The following PIK3C2G variants were observed in gnomAD, a reference collection of about 807,000 sequenced individuals.
PIK3C2G encodes phosphatidylinositol 3-kinase C2 domain-containing subunit gamma.
A neutral mutation model predicts 181.1 loss-of-function variants in PIK3C2G; 168 were observed. The ratio of observed to expected loss-of-function variants is 0.93; its 90% CI spans 0.82 to 1.05. The LOEUF (loss-of-function observed/expected upper bound fraction) is 1.05. Among genes scored for constraint, PIK3C2G ranks in the 50% least tolerant of loss-of-function variants. The probability of loss-of-function intolerance (pLI) is 0.00; values close to 1 mark genes in which losing one functional copy is unlikely to be tolerated. For synonymous variants in PIK3C2G, 573 were observed against 592.2 expected, an observed-to-expected ratio of 0.97 and a Z score of 0.47; for missense variants, 1,869 against 1,732.8, an observed-to-expected ratio of 1.08 and a Z score of -1.40.
At chr12:18,697,544 G>C in the PIK3C2G span, among the ~76,000 whole-genome samples, 45,848 of 151,818 alleles carry the variant, frequency 0.3, 7,733 homozygotes, top group East Asian at 0.48. Context: ...TTAACCTTTA[G>C]AAAATAAACA....
At chr12:18,402,509 G>C (rs2138146083) in intron 16 of PIK3C2G, among the ~76,000 whole-genome samples, 1 of 152,004 alleles carries the variant, frequency 6.6e-6, no homozygotes, top group South Asian at 2.1e-4. Context: ...TGGATTGTAT[G>C]GTATTTCAAT....
chr12:18,559,819 TATAGAGAGAGAGAGAGAGAG>T (rs1945243889), intron 26 of PIK3C2G, among the ~76,000 whole-genome samples: 1 of 19,930 alleles, frequency 5.0e-5, no homozygotes, highest in Non-Finnish European at 9.3e-5. Context: ...TATATATATA[TATAGAGAGAGAGAGAGAGAG>T]AGAGAGAGAG....
At chr12:18,364,056 T>C (rs887590785) in intron 12 of PIK3C2G, among the ~76,000 whole-genome samples, 3 of 152,194 alleles carry the variant, frequency 2.0e-5, no homozygotes, top group Non-Finnish European at 4.4e-5. Context: ...AAAGTACAAA[T>C]CATTTAGCAA....
chr12:18,549,125 A>G (rs1446725909), intron 26 of PIK3C2G, among the ~76,000 whole-genome samples: 1 of 151,980 alleles, frequency 6.6e-6, no homozygotes, highest in Non-Finnish European at 1.5e-5. Context: ...ACCTTATCTG[A>G]TCATTCCAGT....
intron 13 of PIK3C2G, among the ~76,000 whole-genome samples, chr12:18,377,309 T>G (rs1942518837): frequency 6.6e-6 from 1 of 152,228 alleles, no homozygotes; most frequent in East Asian, 1.9e-4. Flanking sequence ...TTGGCTTTTC[T>G]AGTCAATGAA....
the PIK3C2G span, chr12:18,692,683 G>A: frequency 2.8e-6 from 2 of 702,596 alleles, no homozygotes; most frequent in Non-Finnish European, 4.8e-6. Flanking sequence ...ATTGAAATCA[G>A]TAAAGAACAA....
At chr12:18,254,660 T>C (rs754084303) in intron 1 of PIK3C2G, among the ~76,000 whole-genome samples, 91 of 151,464 alleles carry the variant, frequency 6.0e-4, no homozygotes, top group Non-Finnish European at 1.2e-3. Context: ...TTGGCAAACA[T>C]GGTGAAACCC....
chr12:18,636,570 C>T (rs1162478743), intron 31 of PIK3C2G, among the ~76,000 whole-genome samples: 1 of 152,050 alleles, frequency 6.6e-6, no homozygotes, highest in Non-Finnish European at 1.5e-5. Context: ...TAGCATTTGC[C>T]AGGTCAATAG....
At chr12:18,681,893 C>A in the PIK3C2G span, among the ~76,000 whole-genome samples, 1 of 151,940 alleles carries the variant, frequency 6.6e-6, no homozygotes, top group African/African-American at 2.4e-5. Flanking sequence ...TGATTAAAGC[C>A]TTTAAATTTC....
At chr12:18,692,770 A>G in the PIK3C2G span, 1 of 1,345,774 alleles carries the variant, frequency 7.4e-7, no homozygotes, top group Non-Finnish European at 1.1e-6. Context: ...AAGATGGGTC[A>G]AAGTCAGAGT....
At chr12:18,247,422 A>T (rs947806098), upstream of PIK3C2G, among the ~76,000 whole-genome samples, 1 of 152,164 alleles carries the variant, frequency 6.6e-6, no homozygotes, top group Non-Finnish European at 1.5e-5. Context: ...CCAAGAGTTT[A>T]GGAGTGGAGG....
the PIK3C2G span, among the ~76,000 whole-genome samples, chr12:18,672,829 G>A: frequency 3.3e-5 from 5 of 152,128 alleles, no homozygotes; most frequent in Admixed American, 2.0e-4. Context: ...GAAATGCTTC[G>A]ATGTAGTCCA....
intron 1 of PIK3C2G, among the ~76,000 whole-genome samples, chr12:18,273,245 C>T (rs963929091): frequency 6.6e-6 from 1 of 152,118 alleles, no homozygotes; most frequent in African/African-American, 2.4e-5. Context: ...TTCCCCATTG[C>T]TTGTTTTTGT....
chr12:18,320,913 ACT>A (rs759203911), intron 6 of PIK3C2G, 47 bp from the exon 7 acceptor site: 1 of 987,750 alleles, frequency 1.0e-6, no homozygotes, highest in Admixed American at 2.2e-5. Flanking sequence ...TTTATCTGGT[ACT>A]CATTCCTATT....
intron 18 of PIK3C2G, among the ~76,000 whole-genome samples, chr12:18,457,918 T>G (rs942163654): frequency 2.6e-5 from 4 of 151,890 alleles, no homozygotes; most frequent in Admixed American, 2.6e-4. Flanking sequence ...GTGACAATAG[T>G]TTTTTTTAAG....
chr12:18,693,421 G>A, the PIK3C2G span: 4 of 1,604,310 alleles, frequency 2.5e-6, no homozygotes, highest in African/African-American at 5.3e-5. Flanking sequence ...GAAGAGATGG[G>A]TATAAAGCCT....
chr12:18,629,462 GC>G (rs1214455530), intron 31 of PIK3C2G, among the ~76,000 whole-genome samples: 4 of 152,072 alleles, frequency 2.6e-5, no homozygotes, highest in East Asian at 1.9e-4. Flanking sequence ...AGTAAACAAG[GC>G]CCCAAGGAAG....
At chr12:18,370,889 C>G (rs1942008375) in intron 12 of PIK3C2G, among the ~76,000 whole-genome samples, 1 of 152,150 alleles carries the variant, frequency 6.6e-6, no homozygotes. Flanking sequence ...GTCTGTTTTT[C>G]ATCTGTGCTT....
At chr12:18,710,831 G>C in the PIK3C2G span, among the ~76,000 whole-genome samples, 1 of 152,160 alleles carries the variant, frequency 6.6e-6, no homozygotes, top group African/African-American at 2.4e-5. Context: ...AAACCACAAT[G>C]AGATGCAATC....
Sources: gnomAD v4.1 joint callset for allele counts (sites outside exome capture counted in the v4.1 genomes callset) on GRCh38, gnomAD v4.1.1 for gene constraint, MANE v1.5 for transcripts, NCBI Gene and HGNC (gene_info 2026-07-23, HGNC 2026-07-21) for gene names.